DCTN5: variants seen among roughly 807,000 people sequenced by gnomAD.
The protein encoded by DCTN5 is dynactin 4.
In DCTN5, 14 loss-of-function variants were observed where a neutral mutation model predicts 23.5. The observed-to-expected ratio is 0.60, with a 90% CI of 0.39 to 0.93. DCTN5 has a LOEUF of 0.93. DCTN5 is among the 40% of genes least tolerant of loss of function. The probability of loss-of-function intolerance (pLI) is 0.00; values close to 1 mark genes in which losing one functional copy is unlikely to be tolerated. For synonymous variants in DCTN5, 67 were observed against 79.6 expected (o/e 0.84, Z 0.84); for missense variants, 156 against 225.9 (o/e 0.69, Z 1.98).
rs1172983171 is a variant in DCTN5, at chr16:23,668,407, A to G, written c.*1263A>G. 6.6e-6 allele frequency: 1 copy of G among 152,266 alleles called. No individual in the cohort carries two copies. The highest frequency in any genetic ancestry group is 1.5e-5 in the Non-Finnish European group (1 of 68,050). 9.4% of individuals were successfully genotyped at this position (152,266 alleles called of 1,614,324 possible). A position where few individuals can be genotyped will look rare whatever the true frequency, so the allele number is the denominator to read the frequency against. ...TGTTATTTTTAAAATGTTTATACAT[A>G]AAACCACCAAAATACATAGCTTCGA... On this transcript the variant is annotated 3_prime_UTR_variant, in exon 6 of 6. Transcript: ENST00000300087.
intron 2 of DCTN5, chr16:23,650,759 T>G: frequency 6.5e-7 from 1 of 1,535,052 alleles, no homozygotes; most frequent in Non-Finnish European, 8.7e-7. Context: ...CTTTCAGAAC[T>G]TTGTCATTTC....
At chr16:23,646,777 T>C (rs781383731) in intron 2 of DCTN5, among the ~76,000 whole-genome samples, 3 of 152,130 alleles carry the variant, frequency 2.0e-5, no homozygotes, top group Non-Finnish European at 4.4e-5. Context: ...GGTTTCTCCA[T>C]ATTGGTCAGG....
In DCTN5 at chr16:23,646,229, ATCT is replaced by A. The variant is rs543995822; in HGVS notation, c.117+3211_117+3213del. 2.3e-4 allele frequency among the ~76,000 whole-genome samples: 35 copies of A among 152,206 alleles called. No homozygotes were observed. The East Asian group carries it at 2.3e-3, about 10-fold the overall frequency. On this transcript the variant is annotated intron_variant, in intron 2 of 5. Coordinates refer to ENST00000300087, the MANE Select transcript of DCTN5 (RefSeq NM_032486.4). Reference sequence around the variant, plus strand: ...AATGTTGCTTGTTGGTCATCTGTACATCTTCTTTAGAGAAATGTCTGTTCAGTC... The same window carrying A: ...AATGTTGCTTGTTGGTCATCTGTACATCTTTAGAGAAATGTCTGTTCAGTC...
intron 4 of DCTN5, among the ~76,000 whole-genome samples, chr16:23,663,155 G>T (rs558786302): frequency 2.6e-5 from 4 of 152,320 alleles, no homozygotes; most frequent in Non-Finnish European, 5.9e-5. Context: ...GAAGATGTAG[G>T]TGTTCATCAG....
intron 4 of DCTN5, among the ~76,000 whole-genome samples, chr16:23,663,924 C>A (rs1366046078): frequency 1.3e-5 from 2 of 152,184 alleles, no homozygotes; most frequent in East Asian, 3.9e-4. Context: ...TGCATGGTGG[C>A]TGGTATACAC....
At position 23,674,324 on chromosome 16, in the gene DCTN5, C is replaced by CTGCT. The variant is rs1004628463; in HGVS notation, c.*7181_*7184dup. The CTGCT allele has an allele frequency of 1.7e-4, 26 of 152,342 alleles. No individual in the cohort carries two copies. In the East Asian group the frequency reaches 2.7e-3, roughly 16 times the overall value. The allele number at this position is 152,342 out of a possible 1,614,324, so 9.4% of individuals were successfully genotyped here. On this transcript the variant is annotated 3_prime_UTR_variant, in exon 6 of 6. Coordinates refer to ENST00000300087, the MANE Select transcript of DCTN5 (RefSeq NM_032486.4). The stretch of plus-strand genomic sequence containing the variant: ...TCTAATGGGACCATCTAAGATCAAG[C>CTGCT]TGCTGATAGGCTCTTTGTCTCTAAT...
rs1340403709 is a variant in DCTN5, at chr16:23,644,961, G to T, written c.117+1938G>T. On this transcript the variant is annotated intron_variant, in intron 2 of 5. Coordinates refer to ENST00000300087, the MANE Select transcript of DCTN5 (RefSeq NM_032486.4). ...CACTGGGCTAATTTTTGTATTTTTA[G>T]TAGAGGCAGGGTTTTGCCACGTTGG... Among the ~76,000 whole-genome samples, 16 of 147,804 alleles carry T rather than the reference G, an allele frequency of 1.1e-4. 1 individual carries two copies. Among genetic ancestry groups the T allele is most frequent in the African/African-American group, 4.0e-4 (16 of 40,246 alleles).
In DCTN5 at chr16:23,658,619, G is replaced by A; in HGVS notation, c.230G>A (p.Ser77Asn). 6.2e-7 allele frequency: 1 copy of A among 1,612,676 alleles called. No individual in the cohort carries two copies. Among genetic ancestry groups the A allele is most frequent in the Non-Finnish European group, 8.5e-7 (1 of 1,178,642 alleles). The change falls in exon 3 of 6, where the codon AGC (serine) becomes AAC (asparagine). Residue 77 changes from serine to asparagine, a missense_variant. This residue lies in a region of DCTN5 where 153 missense variants were observed against 206.8 expected (regional missense o/e 0.74). Coordinates refer to ENST00000300087, the MANE Select transcript of DCTN5 (RefSeq NM_032486.4). ...SVIRPPFKKF[S>N]KGVAFFPLHI... is the part of the protein sequence containing the mutation. The stretch of plus-strand genomic sequence containing the variant: ...ATAAGGCCACCATTCAAGAAGTTCA[G>A]CAAAGGGTATGTAATTTAATTACTT...
rs1224349045 is a variant in DCTN5 at position 23,670,914 on chromosome 16, A to G, written c.*3770A>G. 6.6e-6 allele frequency: 1 copy of G among 152,212 alleles called. No homozygotes were observed. The highest frequency in any genetic ancestry group is 1.5e-5 in the Non-Finnish European group (1 of 68,036). The allele number at this position is 152,212 out of a possible 1,614,324, so 9.4% of individuals were successfully genotyped here. Reference sequence around the variant, plus strand: ...CCATCACTCATTTATTCATTTAACAAGTGCTTTCCAAGCCACTACTAGGTG... The same window carrying G: ...CCATCACTCATTTATTCATTTAACAGGTGCTTTCCAAGCCACTACTAGGTG... On this transcript the variant is annotated 3_prime_UTR_variant, in exon 6 of 6. Coordinates refer to ENST00000300087, the MANE Select transcript of DCTN5 (RefSeq NM_032486.4).
At chr16:23,647,058 A>G (rs1005532032) in intron 2 of DCTN5, among the ~76,000 whole-genome samples, 4 of 151,812 alleles carry the variant, frequency 2.6e-5, no homozygotes, top group African/African-American at 4.8e-5. Context: ...TCTCAATTCT[A>G]TTTGGTTGGT....
intron 2 of DCTN5, among the ~76,000 whole-genome samples, chr16:23,645,122 TATATATATATATATA>T (rs1157977979): frequency 0.021 from 842 of 40,844 alleles, 98 homozygotes; most frequent in African/African-American, 0.073. Context: ...TATATATATA[TATATATATATATATA>T]TTTTTTTTTT....
intron 2 of DCTN5, among the ~76,000 whole-genome samples, chr16:23,653,298 T>G (rs911339169): frequency 2.6e-5 from 4 of 152,176 alleles, no homozygotes; most frequent in Admixed American, 2.6e-4. Flanking sequence ...CTACCTGACT[T>G]CAAACTACTA....
Position 23,674,224 on chromosome 16 carries a change from T to G in DCTN5, c.*7080T>G, listed in dbSNP as rs1395707075. ...ACCAGGACTCAGACGTTGGGGCCGTTGGAGATTAAGGACCCCCTCCGTGGA... is the reference window on the plus strand; with the variant it reads ...ACCAGGACTCAGACGTTGGGGCCGTGGGAGATTAAGGACCCCCTCCGTGGA... On this transcript the variant is annotated 3_prime_UTR_variant, in exon 6 of 6. Transcript: ENST00000300087. The G allele has an allele frequency of 6.6e-6, 1 of 152,200 alleles. No individual in the cohort carries two copies. The highest frequency in any genetic ancestry group is 1.5e-5 in the Non-Finnish European group (1 of 68,046). The allele number at this position is 152,200 out of a possible 1,614,324, so 9.4% of individuals were successfully genotyped here.
In DCTN5 at chr16:23,667,243, A is replaced by G; in HGVS notation, c.*99A>G. On this transcript the variant is annotated 3_prime_UTR_variant, in exon 6 of 6. Coordinates refer to ENST00000300087, the MANE Select transcript of DCTN5 (RefSeq NM_032486.4). ...TACAAAGAGCTTTTGTGTCTTTGAC[A>G]TCTACCACCCTCCTCCTTTTAAAAA... 6.9e-7 allele frequency: 1 copy of G among 1,457,248 alleles called. No individual in the cohort carries two copies. The highest frequency in any genetic ancestry group is 9.5e-7 in the Non-Finnish European group (1 of 1,057,442). 90.3% of individuals were successfully genotyped at this position (1,457,248 alleles called of 1,614,324 possible). A position where few individuals can be genotyped will look rare whatever the true frequency, so the allele number is the denominator to read the frequency against.
intron 2 of DCTN5, among the ~76,000 whole-genome samples, chr16:23,651,752 C>T (rs567659992): frequency 7.4e-4 from 112 of 152,178 alleles, no homozygotes; most frequent in Non-Finnish European, 1.1e-3. Context: ...TGGCTGGGCA[C>T]GGTGGCTCAT....
chr16:23,676,551 C>T lies in DCTN5; in HGVS notation c.*9407C>T, dbSNP rs1450255696. The T allele has an allele frequency of 1.3e-5, 2 of 152,068 alleles. No homozygotes were observed. The highest frequency in any genetic ancestry group is 1.3e-4 in the Admixed American group (2 of 15,222). 9.4% of individuals were successfully genotyped at this position (152,068 alleles called of 1,614,324 possible). A position where few individuals can be genotyped will look rare whatever the true frequency, so the allele number is the denominator to read the frequency against. On this transcript the variant is annotated 3_prime_UTR_variant, in exon 6 of 6. Coordinates refer to ENST00000300087, the MANE Select transcript of DCTN5 (RefSeq NM_032486.4). Reference sequence around the variant, plus strand: ...CAGCCTGGGTGACAGAGCAAGACTCCATCTCAACAACAACAACAAAAAGGA... The same window carrying T: ...CAGCCTGGGTGACAGAGCAAGACTCTATCTCAACAACAACAACAAAAAGGA...
intron 4 of DCTN5, among the ~76,000 whole-genome samples, chr16:23,663,938 G>A (rs1280216015): frequency 6.6e-6 from 1 of 152,188 alleles, no homozygotes; most frequent in Non-Finnish European, 1.5e-5. Flanking sequence ...TATACACAGT[G>A]AAAATATCCC....
rs2140989565 is a variant in DCTN5 at position 23,667,853 on chromosome 16, T to C, written c.*709T>C. 6.6e-6 allele frequency: 1 copy of C among 152,446 alleles called. No individual in the cohort carries two copies. Among genetic ancestry groups the C allele is most frequent in the East Asian group, 1.9e-4 (1 of 5,190 alleles). 9.4% of individuals were successfully genotyped at this position (152,446 alleles called of 1,614,324 possible). ...ATTGTAATTTTGCCAAGTGTTAGAT[T>C]TGAGTCTCTCATGTGGATGCATTAG... On this transcript the variant is annotated 3_prime_UTR_variant, in exon 6 of 6. Transcript: ENST00000300087.
chr16:23,653,005 G>A (rs1357672112), intron 2 of DCTN5, among the ~76,000 whole-genome samples: 3 of 152,204 alleles, frequency 2.0e-5, no homozygotes, highest in South Asian at 2.1e-4. Flanking sequence ...AGCTGGGCTT[G>A]GTGGTGCACA....
Sources: gnomAD v4.1 joint callset for allele counts (sites outside exome capture counted in the v4.1 genomes callset) on GRCh38, gnomAD v4.1.1 for gene constraint, gnomAD v4.1.1 regional missense constraint, MANE v1.5 for transcripts, NCBI Gene and HGNC (gene_info 2026-07-23, HGNC 2026-07-21) for gene names.